The following TMEM132D variants were observed in gnomAD, a reference collection of about 807,000 sequenced individuals.
TMEM132D encodes mature OL transmembrane protein.
In TMEM132D, 21 loss-of-function variants were observed where a neutral mutation model predicts 62.3. That is an observed-to-expected ratio of 0.34 (90% confidence interval 0.24 to 0.49). The LOEUF is 0.49. Among genes scored for constraint, TMEM132D ranks in the 20% least tolerant of loss-of-function variants. The pLI, the probability that TMEM132D is intolerant of heterozygous loss-of-function variation, is 0.99. For missense variants in TMEM132D, 1,346 were observed against 1,402.8 expected (o/e 0.96, Z 0.65); for synonymous variants, 621 against 575.6 (o/e 1.08, Z -1.13).
chr12:129,276,320 C>T (rs1261491815), intron 4 of TMEM132D, among the ~76,000 whole-genome samples: 1 of 152,214 alleles, frequency 6.6e-6, no homozygotes, highest in Non-Finnish European at 1.5e-5. Flanking sequence ...ACTCAGTTAT[C>T]GGCAACTCTG....
intron 1 of TMEM132D, among the ~76,000 whole-genome samples, chr12:129,829,728 C>G (rs986382903): frequency 6.6e-6 from 1 of 152,230 alleles, no homozygotes; most frequent in South Asian, 2.1e-4. Flanking sequence ...GATGGGGGAG[C>G]TTTTGAAGCA....
intron 3 of TMEM132D, among the ~76,000 whole-genome samples, chr12:129,490,786 C>T (rs1325751594): frequency 1.3e-5 from 2 of 151,664 alleles, no homozygotes; most frequent in Non-Finnish European, 2.9e-5. Context: ...ACTCTGGTGA[C>T]CCATGACCTC....
chr12:129,897,602 G>A (rs1875187719), intron 1 of TMEM132D, among the ~76,000 whole-genome samples: 1 of 152,178 alleles, frequency 6.6e-6, no homozygotes, highest in African/African-American at 2.4e-5. Context: ...TGACCTAGGA[G>A]ATAACCAAAC....
intron 2 of TMEM132D, among the ~76,000 whole-genome samples, chr12:129,649,694 AT>A (rs1346930923): frequency 6.6e-6 from 1 of 152,166 alleles, no homozygotes; most frequent in Admixed American, 6.5e-5. Flanking sequence ...ATATAATAGA[AT>A]AAAAAGGTAT....
intron 1 of TMEM132D, among the ~76,000 whole-genome samples, chr12:129,839,591 G>A (rs895222584): frequency 1.6e-4 from 25 of 152,082 alleles, no homozygotes; most frequent in African/African-American, 5.6e-4. Context: ...AAGTACATAG[G>A]TAGTTTTGGC....
In TMEM132D at chr12:129,349,390, A is replaced by G. The variant is rs142457316; in HGVS notation, c.1116-11573T>C. On this transcript the variant is annotated intron_variant, in intron 3 of 8. Transcript: ENST00000422113. ...ATAATCCTGAGGTAGAATGGTTTAT[A>G]GGCAGAAGTAGCTTTGTGCACCAAG... Among the ~76,000 whole-genome samples the G allele has an allele frequency of 4.7e-3, 716 of 152,322 alleles. 5 individuals are homozygous for G. Among genetic ancestry groups the G allele is most frequent in the African/African-American group, 0.016 (679 of 41,564 alleles).
chr12:129,849,878 G>A (rs1340512448), intron 1 of TMEM132D, among the ~76,000 whole-genome samples: 5 of 152,082 alleles, frequency 3.3e-5, no homozygotes, highest in Middle Eastern at 3.2e-3. Flanking sequence ...TTGGTGCTGC[G>A]TGACCCCTGA....
At chr12:129,570,326 C>T (rs1877476982) in intron 2 of TMEM132D, among the ~76,000 whole-genome samples, 1 of 152,200 alleles carries the variant, frequency 6.6e-6, no homozygotes, top group Non-Finnish European at 1.5e-5. Context: ...ACTGTAGTTC[C>T]AAGCATCTCA....
intron 2 of TMEM132D, among the ~76,000 whole-genome samples, chr12:129,657,991 A>T (rs1880136854): frequency 6.6e-6 from 1 of 152,202 alleles, no homozygotes. Flanking sequence ...CTACTAGTGG[A>T]ACTTATCTTC....
At chr12:129,335,042 T>C (rs1015439897) in intron 4 of TMEM132D, among the ~76,000 whole-genome samples, 3 of 152,068 alleles carry the variant, frequency 2.0e-5, no homozygotes, top group African/African-American at 7.2e-5. Context: ...GAGTATTGCA[T>C]ATATTTTAAA....
intron 1 of TMEM132D, among the ~76,000 whole-genome samples, chr12:129,773,224 C>T (rs1460130865): frequency 6.6e-6 from 1 of 152,210 alleles, no homozygotes; most frequent in African/African-American, 2.4e-5. Flanking sequence ...CATCGTGCGC[C>T]TCCTGTATGC....
intron 5 of TMEM132D, among the ~76,000 whole-genome samples, chr12:129,090,462 C>T (rs1454009309): frequency 6.6e-6 from 1 of 152,054 alleles, no homozygotes; most frequent in African/African-American, 2.4e-5. Context: ...GTCAGGAGTT[C>T]GAGACCAGCC....
At chr12:129,393,912 G>C (rs115592436) in intron 3 of TMEM132D, among the ~76,000 whole-genome samples, 1 of 152,066 alleles carries the variant, frequency 6.6e-6, no homozygotes, top group Non-Finnish European at 1.5e-5. Flanking sequence ...CAGAAACTCC[G>C]CCACTCATCT....
chr12:129,244,396 A>C (rs71446271), intron 4 of TMEM132D, among the ~76,000 whole-genome samples: 6 of 88,566 alleles, frequency 6.8e-5, no homozygotes, highest in Non-Finnish European at 1.3e-4. Context: ...AAAAAAAAAA[A>C]AAAAAAAAAA....
At chr12:129,353,315 A>G (rs1191423891) in intron 3 of TMEM132D, among the ~76,000 whole-genome samples, 1 of 152,170 alleles carries the variant, frequency 6.6e-6, no homozygotes, top group Non-Finnish European at 1.5e-5. Context: ...AAATGTATGA[A>G]GCAAGGAAAA....
At chr12:129,086,556 A>G (rs1874627691) in intron 5 of TMEM132D, among the ~76,000 whole-genome samples, 1 of 151,780 alleles carries the variant, frequency 6.6e-6, no homozygotes, top group South Asian at 2.1e-4. Context: ...GGTTCTACTC[A>G]TGTTGCTACA....
At chr12:129,583,875 A>C (rs1877946148) in intron 2 of TMEM132D, among the ~76,000 whole-genome samples, 1 of 152,238 alleles carries the variant, frequency 6.6e-6, no homozygotes, top group Non-Finnish European at 1.5e-5. Context: ...AACGGACCAA[A>C]GGGAAAAAAG....
chr12:129,851,937 A>G (rs1221972412), intron 1 of TMEM132D, among the ~76,000 whole-genome samples: 1 of 152,230 alleles, frequency 6.6e-6, no homozygotes. Context: ...CTTATTTTGA[A>G]TTCTTAACCA....
intron 4 of TMEM132D, among the ~76,000 whole-genome samples, chr12:129,268,852 A>C (rs1332414765): frequency 1.3e-5 from 2 of 152,130 alleles, no homozygotes. Context: ...AAAAAGGATG[A>C]GTTCATGTTC....
Sources: allele counts gnomAD v4.1 joint callset (sites outside exome capture counted in the v4.1 genomes callset), GRCh38; gene constraint gnomAD v4.1.1; transcripts MANE v1.5; gene names NCBI Gene and HGNC (gene_info 2026-07-23, HGNC 2026-07-21).